SLC25A21: variants seen among roughly 807,000 people sequenced by gnomAD.
SLC25A21 encodes the protein solute carrier family 25 member 21, also known as mitochondrial 2-oxodicarboxylate carrier.
Under a neutral mutation model 43.8 loss-of-function variants are expected in SLC25A21, and 47 were observed. That is an observed-to-expected ratio of 1.07 (90% CI 0.85 to 1.37). SLC25A21 has a LOEUF of 1.37. SLC25A21 is among the 40% of genes most tolerant of loss of function. The pLI, the probability that SLC25A21 is intolerant of heterozygous loss-of-function variation, is 0.00. For synonymous variants in SLC25A21, 131 were observed against 121.3 expected (o/e 1.08, Z -0.52); for missense variants, 352 against 350.2 (o/e 1.00, Z -0.04).
intron 1 of SLC25A21, among the ~76,000 whole-genome samples, chr14:37,055,903 T>C (rs1961814578): frequency 6.9e-6 from 1 of 145,512 alleles, no homozygotes; most frequent in Non-Finnish European, 1.5e-5. Flanking sequence ...GCAAATCTCA[T>C]GTTGAATTGT....
intron 7 of SLC25A21, among the ~76,000 whole-genome samples, chr14:36,704,628 G>A (rs1883422794): frequency 6.9e-6 from 1 of 143,942 alleles, no homozygotes; most frequent in Non-Finnish European, 1.5e-5. Flanking sequence ...CTGCACTCCA[G>A]CCTGGGCAAC....
intron 1 of SLC25A21, among the ~76,000 whole-genome samples, chr14:36,991,313 G>A (rs1204430678): frequency 6.6e-6 from 1 of 152,146 alleles, no homozygotes; most frequent in African/African-American, 2.4e-5. Context: ...CCTTGGTTTT[G>A]ATTCCTCAAG....
chr14:37,147,851 T>TG (rs563512276), intron 1 of SLC25A21, among the ~76,000 whole-genome samples: 38 of 146,022 alleles, frequency 2.6e-4, no homozygotes, highest in African/African-American at 8.5e-4. Flanking sequence ...TTTCTTTTTT[T>TG]TTTTTTTGAG....
At chr14:36,813,805 G>T in intron 3 of SLC25A21, 113 bp downstream of exon 3, 1 of 709,030 alleles carries the variant, frequency 1.4e-6, no homozygotes, top group Non-Finnish European at 2.4e-6. Flanking sequence ...AAAGTAGAAA[G>T]GTACCCTTTT....
chr14:36,742,431 G>A (rs1885311120), intron 3 of SLC25A21, among the ~76,000 whole-genome samples: 1 of 152,096 alleles, frequency 6.6e-6, no homozygotes, highest in South Asian at 2.1e-4. Flanking sequence ...CACCTTTAGG[G>A]CATTATTCTG....
intron 1 of SLC25A21, among the ~76,000 whole-genome samples, chr14:37,062,056 T>C (rs1566852421): frequency 6.6e-6 from 1 of 152,208 alleles, no homozygotes; most frequent in South Asian, 2.1e-4. Flanking sequence ...AATCCACTGA[T>C]AGGTTCTGCT....
intron 1 of SLC25A21, among the ~76,000 whole-genome samples, chr14:36,998,170 G>A (rs1163295128): frequency 6.6e-6 from 1 of 152,162 alleles, no homozygotes; most frequent in South Asian, 2.1e-4. Flanking sequence ...CTGGTAAAGA[G>A]AGTTAAACAG....
intron 3 of SLC25A21, among the ~76,000 whole-genome samples, chr14:36,752,510 T>A (rs1488817846): frequency 1.3e-5 from 2 of 152,210 alleles, no homozygotes; most frequent in Admixed American, 1.3e-4. Flanking sequence ...TATCCATTGA[T>A]GTCTGAATAA....
intron 1 of SLC25A21, among the ~76,000 whole-genome samples, chr14:36,963,097 G>A (rs779521089): frequency 6.6e-6 from 1 of 152,086 alleles, no homozygotes; most frequent in African/African-American, 2.4e-5. Context: ...TCATTAAAGA[G>A]GTTGAAAGTC....
intron 1 of SLC25A21, among the ~76,000 whole-genome samples, chr14:37,128,699 C>T (rs1963341951): frequency 6.6e-6 from 1 of 152,134 alleles, no homozygotes; most frequent in South Asian, 2.1e-4. Flanking sequence ...GTGATCCTCC[C>T]ACCTCAGTCT....
intron 1 of SLC25A21, among the ~76,000 whole-genome samples, chr14:36,921,068 C>G (rs993042733): frequency 1.3e-5 from 2 of 151,934 alleles, no homozygotes; most frequent in African/African-American, 4.8e-5. Context: ...TTTTAACCAT[C>G]CCATAAAACA....
intron 1 of SLC25A21, among the ~76,000 whole-genome samples, chr14:36,980,703 G>A (rs1462445890): frequency 1.3e-5 from 2 of 152,168 alleles, no homozygotes; most frequent in East Asian, 1.9e-4. Context: ...TGCTGGAGAG[G>A]AGCTGCATTC....
At chr14:37,051,978 G>T (rs114509461) in intron 1 of SLC25A21, among the ~76,000 whole-genome samples, 1,621 of 152,322 alleles carry the variant, frequency 0.011, 22 homozygotes, top group African/African-American at 0.037. Flanking sequence ...TGGACCCGAA[G>T]GGCCCGAGCA....
intron 3 of SLC25A21, among the ~76,000 whole-genome samples, chr14:36,800,499 T>C (rs1192487209): frequency 6.6e-6 from 1 of 152,176 alleles, no homozygotes; most frequent in Non-Finnish European, 1.5e-5. Context: ...ACAAATATTG[T>C]ATGATTCCAC....
chr14:36,947,741 AG>A (rs1269312717), intron 1 of SLC25A21, among the ~76,000 whole-genome samples: 1 of 152,162 alleles, frequency 6.6e-6, no homozygotes, highest in Middle Eastern at 3.2e-3. Context: ...AACACATTTT[AG>A]GGGGTATTTT....
intron 2 of SLC25A21, among the ~76,000 whole-genome samples, chr14:36,825,025 T>C (rs1040826618): frequency 2.0e-5 from 3 of 152,148 alleles, no homozygotes; most frequent in African/African-American, 7.2e-5. Flanking sequence ...GCAGGTCTGT[T>C]TGGAGAGCAA....
chr14:36,930,598 G>A (rs534404265), intron 1 of SLC25A21, among the ~76,000 whole-genome samples: 2 of 152,038 alleles, frequency 1.3e-5, no homozygotes, highest in East Asian at 1.9e-4. Context: ...CCCACCCCCA[G>A]CCCCTGCTGT....
chr14:36,949,361 G>A (rs913271265), intron 1 of SLC25A21, among the ~76,000 whole-genome samples: 1 of 152,290 alleles, frequency 6.6e-6, no homozygotes, highest in Non-Finnish European at 1.5e-5. Flanking sequence ...TTGTTTGTAT[G>A]TATCCCAATG....
chr14:36,808,855 T>C (rs1234731795), intron 3 of SLC25A21: 1 of 152,190 alleles, frequency 6.6e-6, no homozygotes, highest in Non-Finnish European at 1.5e-5. Context: ...TTAACTCCTA[T>C]TTTTGCCTTA....
Sources: allele counts gnomAD v4.1 joint callset (sites outside exome capture counted in the v4.1 genomes callset), GRCh38; gene constraint gnomAD v4.1.1; transcripts MANE v1.5; gene names NCBI Gene and HGNC (gene_info 2026-07-23, HGNC 2026-07-21).